The following ATP10D variants were observed in gnomAD, a reference collection of about 807,000 sequenced individuals.
ATP10D encodes the protein ATPase phospholipid transporting 10D (putative), also known as phospholipid-transporting ATPase VD.
A neutral mutation model predicts 144.8 loss-of-function variants in ATP10D; 89 were observed. The observed-to-expected ratio is 0.61, with a 90% CI of 0.52 to 0.73. The LOEUF (loss-of-function observed/expected upper bound fraction) is 0.73, where lower values mean the gene tolerates loss of function less well. Among genes scored for constraint, ATP10D ranks in the 30% least tolerant of loss-of-function variants. The probability of loss-of-function intolerance (pLI) is 0.00; values close to 1 mark genes in which losing one functional copy is unlikely to be tolerated. For missense variants in ATP10D, 1,603 were observed against 1,714.8 expected (o/e 0.93, Z 1.15); for synonymous variants, 571 against 615.1 (o/e 0.93, Z 1.06).
intron 1 of ATP10D, among the ~76,000 whole-genome samples, chr4:47,502,775 G>A (rs775631133): frequency 5.3e-5 from 8 of 151,566 alleles, no homozygotes; most frequent in African/African-American, 1.2e-4. Context: ...GTGCGTGCTT[G>A]GAAACAGTAA....
intron 15 of ATP10D, among the ~76,000 whole-genome samples, chr4:47,565,055 T>C (rs1184011116): frequency 2.6e-5 from 4 of 152,218 alleles, no homozygotes. Context: ...GCCTCCCGGG[T>C]TCACGCCATT....
intron 14 of ATP10D, 102 bp downstream of exon 14, chr4:47,561,177 T>C: frequency 1.4e-6 from 2 of 1,448,216 alleles, no homozygotes; most frequent in East Asian, 2.3e-5. Flanking sequence ...AATAAACATA[T>C]ATGGTTCTGC....
Position 47,512,819 on chromosome 4 carries a change from A to G in ATP10D, c.279A>G (p.Glu93=). ...LLNFVPRNLF[E]QFHRAANLYF... is the part of the protein sequence containing the mutation. ...ATTTTGTGCCAAGAAATTTATTTGAACAATTTCACAGGTACTGTTTTATTT... is the reference window on the plus strand; with the variant it reads ...ATTTTGTGCCAAGAAATTTATTTGAGCAATTTCACAGGTACTGTTTTATTT... The change falls in exon 2 of 23, where the codon GAA becomes GAG. Residue 93 remains glutamate (E), a synonymous_variant. Coordinates refer to ENST00000273859, the MANE Select transcript of ATP10D (RefSeq NM_020453.4). 1 of 1,602,086 alleles carries G rather than the reference A, an allele frequency of 6.2e-7. No individual in the cohort carries two copies. The highest frequency in any genetic ancestry group is 8.5e-7 in the Non-Finnish European group (1 of 1,170,202).
At chr4:47,586,448 T>G (rs1339403504) in intron 21 of ATP10D, among the ~76,000 whole-genome samples, 2 of 152,196 alleles carry the variant, frequency 1.3e-5, no homozygotes, top group African/African-American at 4.8e-5. Flanking sequence ...CATGGAAAAT[T>G]GCAGACAAGC....
intron 1 of ATP10D, among the ~76,000 whole-genome samples, chr4:47,507,960 G>T (rs183221605): frequency 6.6e-6 from 1 of 152,296 alleles, no homozygotes; most frequent in Non-Finnish European, 1.5e-5. Flanking sequence ...GAGGTGCAAA[G>T]TGTACACTAT....
rs560699911 is a variant in ATP10D, at chr4:47,546,421, A to G, written c.1397-203A>G. Among the ~76,000 whole-genome samples, 14 of 152,296 alleles carry G rather than the reference A, an allele frequency of 9.2e-5. No homozygotes were observed. The South Asian group carries it at 2.7e-3, about 29-fold the overall frequency. On this transcript the variant is annotated intron_variant, in intron 9 of 22. Coordinates refer to ENST00000273859, the MANE Select transcript of ATP10D (RefSeq NM_020453.4). ...ATAAGTAGGTAGATTTGACGATGGA[A>G]AAAGAAGGGAATTTTGATCTGATTG...
At chr4:47,527,085 T>A (rs1717285698) in intron 5 of ATP10D, among the ~76,000 whole-genome samples, 1 of 152,132 alleles carries the variant, frequency 6.6e-6, no homozygotes, top group South Asian at 2.1e-4. Context: ...CAGGCCAGTG[T>A]CATTTTGGCA....
At chr4:47,493,500 A>G (rs1465869901) in intron 1 of ATP10D, among the ~76,000 whole-genome samples, 3 of 152,218 alleles carry the variant, frequency 2.0e-5, no homozygotes, top group Non-Finnish European at 4.4e-5. Flanking sequence ...ATGCTAATAT[A>G]AGTGTTCTGA....
chr4:47,522,569 TTTTG>T (rs1400870227), intron 3 of ATP10D, among the ~76,000 whole-genome samples: 1 of 152,114 alleles, frequency 6.6e-6, no homozygotes, highest in African/African-American at 2.4e-5. Context: ...CCTTTTAGCA[TTTTG>T]TTTGTTTGTT....
intron 21 of ATP10D, 125 bp downstream of exon 21, chr4:47,582,189 G>C (rs1443542877): frequency 1.3e-6 from 1 of 767,588 alleles, no homozygotes; most frequent in East Asian, 2.6e-5. Context: ...GGAGAAGGGT[G>C]ATCACAGCTA....
At chr4:47,551,207 C>G (rs1171712558) in intron 10 of ATP10D, among the ~76,000 whole-genome samples, 2 of 152,180 alleles carry the variant, frequency 1.3e-5, no homozygotes, top group African/African-American at 4.8e-5. Context: ...CTTAGGGATT[C>G]TTAGTCGGCC....
At chr4:47,494,135 G>C (rs1003765634) in intron 1 of ATP10D, among the ~76,000 whole-genome samples, 1 of 152,088 alleles carries the variant, frequency 6.6e-6, no homozygotes, top group Non-Finnish European at 1.5e-5. Flanking sequence ...GTTATTATTT[G>C]CTTCTTGGCA....
rs377182620 is a variant in ATP10D, at chr4:47,590,775, C to G, written c.3942-267C>G. ...AAGCCTATGTAGCAACTATTTATATCTCTACTTTTATAGATGCTATTTAGT... is the reference window on the plus strand; with the variant it reads ...AAGCCTATGTAGCAACTATTTATATGTCTACTTTTATAGATGCTATTTAGT... On this transcript the variant is annotated intron_variant, in intron 22 of 22. Coordinates refer to ENST00000273859, the MANE Select transcript of ATP10D (RefSeq NM_020453.4). 4.6e-5 allele frequency among the ~76,000 whole-genome samples: 7 copies of G among 152,198 alleles called. No individual in the cohort carries two copies. The East Asian group carries it at 1.4e-3, about 29-fold the overall frequency.
intron 4 of ATP10D, 89 bp from the exon 5 acceptor site, chr4:47,525,468 A>C: frequency 1.1e-6 from 1 of 946,278 alleles, no homozygotes; most frequent in Non-Finnish European, 1.6e-6. Flanking sequence ...GCTTAGCATT[A>C]TTTTAAGAAT....
At chr4:47,588,790 C>G (rs1034199436) in intron 22 of ATP10D, among the ~76,000 whole-genome samples, 3 of 152,158 alleles carry the variant, frequency 2.0e-5, no homozygotes, top group Non-Finnish European at 4.4e-5. Context: ...ACAAGATGAA[C>G]TTACAGAATT....
intron 1 of ATP10D, among the ~76,000 whole-genome samples, chr4:47,486,304 A>G (rs891850984): frequency 2.0e-5 from 3 of 152,260 alleles, no homozygotes; most frequent in African/African-American, 4.8e-5. Flanking sequence ...TGCTCTTATC[A>G]TGCTAGCTCA....
At chr4:47,502,880 T>G (rs1715784444) in intron 1 of ATP10D, among the ~76,000 whole-genome samples, 1 of 152,138 alleles carries the variant, frequency 6.6e-6, no homozygotes, top group Non-Finnish European at 1.5e-5. Flanking sequence ...ATGTGAAAAT[T>G]CTAATTTGAC....
In ATP10D at chr4:47,536,583, T is replaced by C. The variant is rs2109424442; in HGVS notation, c.1143+19T>C. ...GTTACAGGTAATTTTTTATCAAGCT[T>C]ATGGTAGAATTTTAACATCTTTGCT... On this transcript the variant is annotated intron_variant, in intron 8 of 22. Transcript: ENST00000273859. The C allele has an allele frequency of 1.2e-6, 2 of 1,610,188 alleles. No individual in the cohort carries two copies. The highest frequency in any genetic ancestry group is 2.2e-5 in the East Asian group (1 of 44,852).
In ATP10D at chr4:47,580,390, A is replaced by G. The variant is rs757068904; in HGVS notation, c.3568-8A>G. On this transcript the variant is annotated splice_region_variant and splice_polypyrimidine_tract_variant and intron_variant, in intron 19 of 22. Transcript: ENST00000273859. The stretch of plus-strand genomic sequence containing the variant: ...TTACTACCTCCCCGTTATCTGCTTC[A>G]TTTCTAGGCATACTTACCCCATACC... 5.0e-6 allele frequency: 8 copies of G among 1,608,278 alleles called. No homozygotes were observed.
Sources: allele counts gnomAD v4.1 joint callset (sites outside exome capture counted in the v4.1 genomes callset), GRCh38; gene constraint gnomAD v4.1.1; transcripts MANE v1.5; gene names NCBI Gene and HGNC (gene_info 2026-07-23, HGNC 2026-07-21).